Variants in PITPNM2 observed in about 807,000 individuals in gnomAD.
PITPNM2 encodes the protein membrane-associated phosphatidylinositol transfer protein 2.
A neutral mutation model predicts 132.2 loss-of-function variants in PITPNM2; 35 were observed. The ratio of observed to expected loss-of-function variants is 0.26; its 90% CI spans 0.20 to 0.35. The LOEUF is 0.35. PITPNM2 is among the 10% of genes least tolerant of loss of function. The pLI, the probability that PITPNM2 is intolerant of heterozygous loss-of-function variation, is 1.00. For synonymous variants in PITPNM2, 738 were observed against 799.2 expected (o/e 0.92, Z 1.29); for missense variants, 1,332 against 1,912.0 (o/e 0.70, Z 5.66).
chr12:123,137,618 TGCAGTA>T (rs1223757930), intron 1 of PITPNM2, among the ~76,000 whole-genome samples: 1 of 151,956 alleles, frequency 6.6e-6, no homozygotes, highest in African/African-American at 2.4e-5. Context: ...CGTGGCTGGG[TGCAGTA>T]GCTCACACCT....
At chr12:122,995,327 C>A in intron 14 of PITPNM2, 62 bp downstream of exon 14, 2 of 1,522,930 alleles carry the variant, frequency 1.3e-6, no homozygotes, top group South Asian at 2.6e-5. Context: ...AGGGGATGTT[C>A]CTCCCTCTTG....
At position 123,095,581 on chromosome 12, in the gene PITPNM2, G is replaced by A. The variant is rs2042387098; in HGVS notation, c.-96+14804C>T. ...TCTTCCAATACACACATCGGAGTGT[G>A]TCACTTCTCTGAGTAAAGGCCCTCA... On this transcript the variant is annotated intron_variant, in intron 2 of 25. Transcript: ENST00000320201. The surrounding 1 kb of genome is among the most constrained non-coding windows in gnomAD (Gnocchi z 5.0). 6.6e-6 allele frequency among the ~76,000 whole-genome samples: 1 copy of A among 152,116 alleles called. No homozygotes were observed. Among genetic ancestry groups the A allele is most frequent in the Admixed American group, 6.5e-5 (1 of 15,280 alleles).
At chr12:123,075,838 G>A (rs1035421689) in intron 2 of PITPNM2, 8 of 152,340 alleles carry the variant, frequency 5.3e-5, no homozygotes, top group Non-Finnish European at 8.8e-5. Context: ...TGGAGGAGCC[G>A]GCCTCTCTCC....
intron 16 of PITPNM2, among the ~76,000 whole-genome samples, chr12:122,991,595 G>A (rs1054097298): frequency 6.6e-6 from 1 of 152,186 alleles, no homozygotes; most frequent in African/African-American, 2.4e-5. Flanking sequence ...AGGAAGCACC[G>A]ACATCAGCTC....
chr12:123,072,364 C>G (rs2041644112), intron 2 of PITPNM2, among the ~76,000 whole-genome samples: 1 of 152,174 alleles, frequency 6.6e-6, no homozygotes, highest in African/African-American at 2.4e-5. Flanking sequence ...TGCCCTCCAG[C>G]CCCTGAGCAT....
intron 2 of PITPNM2, among the ~76,000 whole-genome samples, chr12:123,074,633 A>C (rs2041723365): frequency 1.3e-5 from 2 of 150,948 alleles, no homozygotes; most frequent in Admixed American, 6.6e-5. Context: ...CCACCCACCC[A>C]CACACACACA....
At chr12:123,135,938 T>C (rs375975130) in intron 1 of PITPNM2, among the ~76,000 whole-genome samples, 1 of 152,220 alleles carries the variant, frequency 6.6e-6, no homozygotes, top group East Asian at 1.9e-4. Flanking sequence ...CATTCATCAG[T>C]TGATGGACAT....
At position 123,078,282 on chromosome 12, in the gene PITPNM2, C is replaced by A. The variant is rs2041853855; in HGVS notation, c.-96+32103G>T. On this transcript the variant is annotated intron_variant, in intron 2 of 25. Coordinates refer to ENST00000320201, the MANE Select transcript of PITPNM2 (RefSeq NM_020845.3). The surrounding 1 kb of genome is among the most constrained non-coding windows in gnomAD (Gnocchi z 7.3). ...CCACAGTTCTGCTGCTGCAGCCTCC[C>A]CCATACCAGGCCTCAGGGTCCAGGT... Among the ~76,000 whole-genome samples the A allele has an allele frequency of 6.6e-6, 1 of 152,164 alleles. No homozygotes were observed.
At position 123,111,997 on chromosome 12, in the gene PITPNM2, C is replaced by T. The variant is rs538892403; in HGVS notation, c.-199-1509G>A. 1.3e-5 allele frequency among the ~76,000 whole-genome samples: 2 copies of T among 152,148 alleles called. No homozygotes were observed. The highest frequency in any genetic ancestry group is 1.9e-4 in the East Asian group (1 of 5,170). ...CGAGCCAGATTTGGTAGACCAGCCCCGCTCCAGCCCACCACAATGCTTCTC... is the reference window on the plus strand; with the variant it reads ...CGAGCCAGATTTGGTAGACCAGCCCTGCTCCAGCCCACCACAATGCTTCTC... On this transcript the variant is annotated intron_variant, in intron 1 of 25. Transcript: ENST00000320201. This position sits in a 1 kb window ranked among gnomAD's most constrained non-coding sequence, Gnocchi z 4.1.
chr12:123,072,811 A>G (rs773552547), intron 2 of PITPNM2, among the ~76,000 whole-genome samples: 2 of 152,280 alleles, frequency 1.3e-5, no homozygotes, highest in Non-Finnish European at 2.9e-5. Context: ...ACCAGCACCC[A>G]GTCAGGAAAC....
intron 2 of PITPNM2, among the ~76,000 whole-genome samples, chr12:123,053,772 T>A (rs1359171251): frequency 1.3e-5 from 2 of 152,126 alleles, no homozygotes; most frequent in Non-Finnish European, 2.9e-5. Context: ...TTCTGCATAT[T>A]GGTCAGGTTG....
intron 2 of PITPNM2, among the ~76,000 whole-genome samples, chr12:123,109,164 C>T (rs1371570242): frequency 6.6e-6 from 1 of 152,198 alleles, no homozygotes; most frequent in Non-Finnish European, 1.5e-5. Context: ...TTGCTAGCTT[C>T]CCTTGATGGA....
intron 2 of PITPNM2, among the ~76,000 whole-genome samples, chr12:123,039,243 A>G (rs1457005984): frequency 6.6e-6 from 1 of 152,218 alleles, no homozygotes; most frequent in Non-Finnish European, 1.5e-5. Context: ...TGAATCACAG[A>G]GCAAGGCCCT....
chr12:122,987,018 C>T (rs1158336659), intron 23 of PITPNM2, among the ~76,000 whole-genome samples, 189 bp from the exon 24 acceptor site: 2 of 152,268 alleles, frequency 1.3e-5, no homozygotes, highest in East Asian at 1.9e-4. Context: ...GCGGCAGATG[C>T]CCCTGCTGCT....
At chr12:123,066,282 G>A (rs950499817) in intron 2 of PITPNM2, among the ~76,000 whole-genome samples, 2 of 152,168 alleles carry the variant, frequency 1.3e-5, no homozygotes, top group African/African-American at 4.8e-5. Flanking sequence ...AGGGCCTGAC[G>A]AGGGGTAGAG....
At chr12:123,139,955 G>A (rs1161782549) in intron 1 of PITPNM2, among the ~76,000 whole-genome samples, 1 of 152,112 alleles carries the variant, frequency 6.6e-6, no homozygotes, top group Non-Finnish European at 1.5e-5. Context: ...TTCAAATTTA[G>A]AACCAAGTTA....
intron 3 of PITPNM2, among the ~76,000 whole-genome samples, chr12:123,033,568 T>G (rs955425560): frequency 6.6e-6 from 1 of 152,214 alleles, no homozygotes; most frequent in Non-Finnish European, 1.5e-5. Flanking sequence ...TGTCTGACAC[T>G]GCTTTTTTGC....
rs1401173838 is a variant in PITPNM2, at chr12:123,009,153, A to T, written c.643+697T>A. The stretch of plus-strand genomic sequence containing the variant: ...AAATAAAGTCACCCTTGCTCATGGC[A>T]TCACAAGGTGTCTGGCTGGGGTGCC... On this transcript the variant is annotated intron_variant, in intron 6 of 25. Transcript: ENST00000320201. This position sits in a 1 kb window ranked among gnomAD's most constrained non-coding sequence, Gnocchi z 4.8. Among the ~76,000 whole-genome samples the T allele has an allele frequency of 6.6e-6, 1 of 152,216 alleles. No homozygotes were observed. The highest frequency in any genetic ancestry group is 1.5e-5 in the Non-Finnish European group (1 of 68,036).
At chr12:123,045,038 C>T (rs994197673) in intron 2 of PITPNM2, among the ~76,000 whole-genome samples, 3 of 152,284 alleles carry the variant, frequency 2.0e-5, no homozygotes, top group South Asian at 2.1e-4. Context: ...AATGCATGGA[C>T]GGCTCTGCTC....
Sources: gnomAD v4.1 joint callset for allele counts (sites outside exome capture counted in the v4.1 genomes callset) on GRCh38, gnomAD v4.1.1 for gene constraint, Gnocchi (gnomAD v3.1) non-coding constraint, MANE v1.5 for transcripts, NCBI Gene and HGNC (gene_info 2026-07-23, HGNC 2026-07-21) for gene names.